SPO11: variants seen among roughly 807,000 people sequenced by gnomAD.
SPO11 encodes the protein SPO11 initiator of meiotic double strand breaks.
A neutral mutation model predicts 51.6 loss-of-function variants in SPO11; 49 were observed. The observed-to-expected ratio is 0.95, with a 90% CI of 0.75 to 1.20. The LOEUF (loss-of-function observed/expected upper bound fraction) is 1.20. Among genes scored for constraint, SPO11 ranks in the 50% most tolerant of loss-of-function variants. SPO11 has a pLI of 0.00. For missense variants in SPO11, 431 were observed against 473.4 expected (o/e 0.91, Z 0.83); for synonymous variants, 176 against 158.2 (o/e 1.11, Z -0.84).
intron 11 of SPO11, among the ~76,000 whole-genome samples, chr20:57,341,919 C>A (rs976857999): frequency 2.0e-5 from 3 of 152,178 alleles, no homozygotes; most frequent in Non-Finnish European, 4.4e-5. Context: ...AGAAGCCAGG[C>A]TGCAAGGGAA....
intron 6 of SPO11, among the ~76,000 whole-genome samples, chr20:57,335,123 G>A (rs16980898): frequency 6.6e-6 from 1 of 152,126 alleles, no homozygotes; most frequent in Non-Finnish European, 1.5e-5. Context: ...ATTTAGTAAT[G>A]TTCATAAAAT....
At position 57,335,803 on chromosome 20, in the gene SPO11, G is replaced by A; in HGVS notation, c.640G>A (p.Val214Ile). Residue 214 changes from valine to isoleucine, a missense_variant, in exon 8 of 13, where the codon GTT (valine) becomes ATT (isoleucine). Coordinates refer to ENST00000371263, the MANE Select transcript of SPO11 (RefSeq NM_012444.3). ...TATCAGCCTTAACTTCACAGATTTA[G>A]TTACAGATGCAAAGTTTGTATTAAT... ...PSNIQGIRNL[V>I]TDAKFVLIVE... 2.5e-6 allele frequency: 4 copies of A among 1,596,764 alleles called. No homozygotes were observed. Among genetic ancestry groups the A allele is most frequent in the Non-Finnish European group, 3.4e-6 (4 of 1,166,422 alleles).
Position 57,333,733 on chromosome 20 carries a change from C to A in SPO11, c.381C>A (p.Ser127Arg). ...CCATGATTTATAAATTAGTACAGAG[C>A]AACACTTATGCAACCAAAAGGTAAA... ...ILSMIYKLVQ[S>R]NTYATKRDIY... The change falls in exon 4 of 13, where the codon AGC becomes AGA. Residue 127 changes from serine (S) to arginine (R), a missense_variant. By Grantham distance (110) the Ser-to-Arg change is moderately radical (BLOSUM62 -1). Transcript: ENST00000371263. 6.6e-7 allele frequency: 1 copy of A among 1,508,046 alleles called. No individual in the cohort carries two copies. Among genetic ancestry groups the A allele is most frequent in the Middle Eastern group, 1.7e-4 (1 of 5,846 alleles). The allele number at this position is 1,508,046 out of a possible 1,614,324, so 93.4% of individuals were successfully genotyped here. A position where few individuals can be genotyped will look rare whatever the true frequency, so the allele number is the denominator to read the frequency against.
chr20:57,334,087 C>A lies in SPO11; in HGVS notation c.502C>A (p.Leu168Ile). ...CATGTTAAAAGTGTCAAGGAGGAGTCTACATATAGTAAGTAGTACCTAATA... is the reference window on the plus strand; with the variant it reads ...CATGTTAAAAGTGTCAAGGAGGAGTATACATATAGTAAGTAGTACCTAATA... Reference protein sequence around the residue: ...SCMLKVSRRSLHILSTSKGLI... With the variant: ...SCMLKVSRRSIHILSTSKGLI... The change falls in exon 5 of 13, where the codon CTA (leucine) becomes ATA (isoleucine). Residue 168 changes from leucine to isoleucine, a missense_variant. Physicochemically the swap from Leu to Ile is conservative, Grantham distance 5 (BLOSUM62 2). Around this residue, in one of 3 missense-constraint regions of SPO11, gnomAD observed 405 missense variants for 425.9 expected, o/e 0.95. Coordinates refer to ENST00000371263, the MANE Select transcript of SPO11 (RefSeq NM_012444.3). 1 of 1,515,218 alleles carries A rather than the reference C, an allele frequency of 6.6e-7. No homozygotes were observed. Among genetic ancestry groups the A allele is most frequent in the South Asian group, 1.2e-5 (1 of 80,898 alleles). The allele number at this position is 1,515,218 out of a possible 1,614,324, so 93.9% of individuals were successfully genotyped here. A position where few individuals can be genotyped will look rare whatever the true frequency, so the allele number is the denominator to read the frequency against.
Position 57,343,776 on chromosome 20 carries a change from A to ATACTT in SPO11, c.*318_*319insCTTTA, listed in dbSNP as rs28368103. On this transcript the variant is annotated 3_prime_UTR_variant, in exon 13 of 13. Transcript: ENST00000371263. ...TATACATGTCATCAAAGTCTACAAA[A>ATACTT]TATTTACCTTCTACGATACAACTAA... 6,456 of 167,120 alleles carry ATACTT rather than the reference A, an allele frequency of 0.039. 195 individuals carry two copies. The highest frequency in any genetic ancestry group is 0.092 in the African/African-American group (3,859 of 41,940). The allele number at this position is 167,120 out of a possible 1,614,324, so 10.4% of individuals were successfully genotyped here. A position where few individuals can be genotyped will look rare whatever the true frequency, so the allele number is the denominator to read the frequency against.
chr20:57,336,129 G>T (rs577708425), intron 8 of SPO11, among the ~76,000 whole-genome samples: 6 of 151,788 alleles, frequency 4.0e-5, no homozygotes, highest in African/African-American at 1.5e-4. Context: ...TCGCTCTGTT[G>T]CCCAGGCCGA....
intron 3 of SPO11, 125 bp from the exon 4 acceptor site, chr20:57,333,562 C>T (rs546894825): frequency 5.1e-4 from 347 of 680,138 alleles, no homozygotes; most frequent in Non-Finnish European, 8.1e-4. Context: ...GTACTTAACC[C>T]TCCCATTTTG....
At position 57,334,102 on chromosome 20, in the gene SPO11, A is replaced by G; in HGVS notation, c.510+7A>G. 7.6e-7 allele frequency: 1 copy of G among 1,308,238 alleles called. No individual in the cohort carries two copies. Among genetic ancestry groups the G allele is most frequent in the Non-Finnish European group, 1.1e-6 (1 of 941,034 alleles). The allele number at this position is 1,308,238 out of a possible 1,614,324, so 81.0% of individuals were successfully genotyped here. A position where few individuals can be genotyped will look rare whatever the true frequency, so the allele number is the denominator to read the frequency against. On this transcript the variant is annotated splice_region_variant and intron_variant, in intron 5 of 12. Coordinates refer to ENST00000371263, the MANE Select transcript of SPO11 (RefSeq NM_012444.3). ...AAGGAGGAGTCTACATATAGTAAGT[A>G]GTACCTAATACAAAACATTTTATTT...
rs1485272274 is a variant in SPO11, at chr20:57,342,841, G to T, written c.1071+1G>T. The T allele has an allele frequency of 6.3e-7, 1 of 1,598,610 alleles. No homozygotes were observed. The highest frequency in any genetic ancestry group is 8.6e-7 in the Non-Finnish European group (1 of 1,167,552). On this transcript the variant is annotated splice_donor_variant, in intron 12 of 12. Coordinates refer to ENST00000371263, the MANE Select transcript of SPO11 (RefSeq NM_012444.3). LOFTEE classifies it high-confidence loss of function. ...CTGCCAACCATTTTGGAGAAAAGAA[G>T]TATGTTTCCTTTTACAACTCAAGTG...
intron 2 of SPO11, 56 bp from the exon 3 acceptor site, chr20:57,333,132 T>A (rs1033725841): frequency 1.3e-5 from 17 of 1,265,738 alleles, no homozygotes; most frequent in Admixed American, 6.7e-5. Flanking sequence ...ATATATTGTT[T>A]GGTGTTTAGA....
Position 57,334,029 on chromosome 20 carries a change from T to C in SPO11, c.444T>C (p.Thr148=), listed in dbSNP as rs16980893. 12 of 1,589,322 alleles carry C rather than the reference T, an allele frequency of 7.6e-6. No homozygotes were observed. Among genetic ancestry groups the C allele is most frequent in the Non-Finnish European group, 1.0e-5 (12 of 1,166,598 alleles). The part of the protein sequence containing the change: ...YTDSQLFGNQ[T]VVDNIINDIS... ...ACAGTCAACTCTTTGGTAACCAGAC[T>C]GTCGTCGACAATATTATCAATGACA... The change falls in exon 5 of 13, where the codon ACT becomes ACC. Residue 148 remains threonine, a synonymous_variant. Coordinates refer to ENST00000371263, the MANE Select transcript of SPO11 (RefSeq NM_012444.3).
In SPO11 at chr20:57,331,913, C is replaced by T. The variant is rs376454938; in HGVS notation, c.212C>T (p.Thr71Met). 96 of 1,598,806 alleles carry T rather than the reference C, an allele frequency of 6.0e-5. No individual in the cohort carries two copies. Among genetic ancestry groups the T allele is most frequent in the Non-Finnish European group, 7.2e-5 (84 of 1,173,072 alleles). The change falls in exon 2 of 13, where the codon ACG (threonine) becomes ATG (methionine). Residue 71 changes from threonine (T) to methionine (M), a missense_variant. Thr to Met is a moderately conservative substitution (Grantham distance 81). This residue lies in a region of SPO11 where 405 missense variants were observed against 425.9 expected (regional missense o/e 0.95). Transcript: ENST00000371263. ...SLARNEAPAF[T>M]IDNRSSWENI... ...GCAAGAAATGAAGCACCTGCATTCA[C>T]GATAGACAACAGATCAAGCTGGGAA...
intron 8 of SPO11, among the ~76,000 whole-genome samples, chr20:57,337,232 T>C (rs2066523524): frequency 6.6e-6 from 1 of 152,224 alleles, no homozygotes; most frequent in Non-Finnish European, 1.5e-5. Flanking sequence ...TTCTCTAACA[T>C]TGTTGTAACA....
intron 6 of SPO11, 152 bp downstream of exon 6, chr20:57,334,988 G>A (rs2066494617): frequency 1.7e-6 from 1 of 585,796 alleles, no homozygotes. Context: ...TTACAGAACT[G>A]TACATTACAT....
At chr20:57,339,452 T>C (rs142280709) in intron 10 of SPO11, among the ~76,000 whole-genome samples, 16 of 152,330 alleles carry the variant, frequency 1.1e-4, no homozygotes, top group African/African-American at 3.6e-4. Flanking sequence ...AATTACCATA[T>C]ACCAGTGGTC....
chr20:57,337,835 C>G (rs1485984038), intron 8 of SPO11: 1 of 1,099,320 alleles, frequency 9.1e-7, no homozygotes, highest in Non-Finnish European at 1.2e-6. Context: ...TTGCTGTGGC[C>G]ACATGCAGAG....
chr20:57,329,833 G>A lies in SPO11; in HGVS notation c.-35G>A, dbSNP rs759475640. 1.9e-6 allele frequency: 3 copies of A among 1,598,340 alleles called. No individual in the cohort carries two copies. The South Asian group carries it at 3.3e-5, about 18-fold the overall frequency. ...CGCCCCAAGGGCGCAGCCTAGGACA[G>A]GGGCTTCTGGAGCTTCTGGCAGCCG... On this transcript the variant is annotated 5_prime_UTR_variant, in exon 1 of 13. Transcript: ENST00000371263.
At chr20:57,334,990 A>T (rs1415744387) in intron 6 of SPO11, among the ~76,000 whole-genome samples, 154 bp downstream of exon 6, 1 of 152,258 alleles carries the variant, frequency 6.6e-6, no homozygotes, top group Non-Finnish European at 1.5e-5. Flanking sequence ...ACAGAACTGT[A>T]CATTACATAG....
rs1380706603 is a variant in SPO11 at position 57,339,198 on chromosome 20, G to C, written c.882+172G>C. 1.2e-4 allele frequency among the ~76,000 whole-genome samples: 18 copies of C among 152,108 alleles called. No individual in the cohort carries two copies. The South Asian group carries it at 3.3e-3, about 28-fold the overall frequency. ...CTGTGTGTCGGTGGCTGTGACTCCA[G>C]CTCCCAGTATGACCAGTGCAAACAC... On this transcript the variant is annotated intron_variant, in intron 10 of 12. Coordinates refer to ENST00000371263, the MANE Select transcript of SPO11 (RefSeq NM_012444.3).
Sources: allele counts gnomAD v4.1 joint callset (sites outside exome capture counted in the v4.1 genomes callset), GRCh38; gene constraint gnomAD v4.1.1; regional missense constraint gnomAD v4.1.1; transcripts MANE v1.5; gene names NCBI Gene and HGNC (gene_info 2026-07-23, HGNC 2026-07-21).